SHC3: variants seen among roughly 807,000 people sequenced by gnomAD.
The protein encoded by SHC3 is SHC adaptor protein 3, also known as SHC-transforming protein 3.
SHC3 carries 15 observed loss-of-function variants against 60.4 expected under a neutral mutation model. That is an observed-to-expected ratio of 0.25 (90% CI 0.17 to 0.38). The LOEUF (loss-of-function observed/expected upper bound fraction) is 0.38, where lower values mean the gene tolerates loss of function less well. Among genes scored for constraint, SHC3 ranks in the 10% least tolerant of loss-of-function variants. The probability of loss-of-function intolerance (pLI) is 1.00; values close to 1 mark genes in which losing one functional copy is unlikely to be tolerated. For synonymous variants in SHC3, 294 were observed against 325.9 expected, an observed-to-expected ratio of 0.90 and a Z score of 1.05; for missense variants, 677 against 786.1, an observed-to-expected ratio of 0.86 and a Z score of 1.66.
intron 1 of SHC3, among the ~76,000 whole-genome samples, chr9:89,132,691 A>G (rs1050366863): frequency 1.3e-5 from 2 of 152,232 alleles, no homozygotes; most frequent in Admixed American, 6.5e-5. Flanking sequence ...TGGTGCTGGG[A>G]AAACTGGCTA....
At chr9:89,032,531 A>G (rs1375839879) in intron 11 of SHC3, among the ~76,000 whole-genome samples, 1 of 152,216 alleles carries the variant, frequency 6.6e-6, no homozygotes, top group Non-Finnish European at 1.5e-5. Flanking sequence ...TTGACTAAAC[A>G]ATTCTGAAGA....
chr9:89,015,685 C>T (rs953254505), intron 11 of SHC3, among the ~76,000 whole-genome samples: 3 of 152,242 alleles, frequency 2.0e-5, no homozygotes, highest in Non-Finnish European at 4.4e-5. Context: ...ACCCGTTATG[C>T]ACTAGAAATT....
intron 7 of SHC3, among the ~76,000 whole-genome samples, chr9:89,047,809 C>T (rs1213658259): frequency 6.6e-6 from 1 of 152,170 alleles, no homozygotes; most frequent in Admixed American, 6.5e-5. Context: ...TAAAATGGTG[C>T]AGCCACTTTA....
intron 4 of SHC3, among the ~76,000 whole-genome samples, chr9:89,073,073 G>T (rs1825300009): frequency 2.0e-5 from 3 of 152,102 alleles, no homozygotes; most frequent in Non-Finnish European, 1.5e-5. Context: ...TCTTCCCTCT[G>T]GCGCAAAGGT....
intron 11 of SHC3, among the ~76,000 whole-genome samples, chr9:89,031,679 G>C (rs1441631488): frequency 6.6e-6 from 1 of 152,120 alleles, no homozygotes; most frequent in Non-Finnish European, 1.5e-5. Flanking sequence ...TGGCTATTAT[G>C]AATAATGCTA....
intron 6 of SHC3, among the ~76,000 whole-genome samples, chr9:89,059,567 A>AT (rs1825032327): frequency 7.5e-6 from 1 of 132,956 alleles, no homozygotes; most frequent in African/African-American, 2.9e-5. Context: ...GTGGTGGAGG[A>AT]CGTGGTGGAG....
At chr9:89,039,309 G>C (rs939338529) in intron 10 of SHC3, among the ~76,000 whole-genome samples, 4 of 152,158 alleles carry the variant, frequency 2.6e-5, no homozygotes, top group African/African-American at 7.2e-5. Context: ...AAACTTGTTC[G>C]ATGTTAGTAC....
chr9:89,042,184 C>A lies in SHC3; in HGVS notation c.1202G>T (p.Gly401Val), dbSNP rs922840283. ...EDWQQTPLRQ[G>V]SSDIYSTPEG... is the part of the protein sequence containing the mutation. ...TGGCGTGCTGTAGATGTCCGAGGAC[C>A]CTGCAACAAGAAAGTGAGCCCCTTT... Residue 401 changes from glycine to valine, a missense_variant and splice_region_variant, in exon 10 of 12, where the codon GGG becomes GTG. Coordinates refer to ENST00000375835, the MANE Select transcript of SHC3 (RefSeq NM_016848.6). 4 of 1,496,822 alleles carry A rather than the reference C, an allele frequency of 2.7e-6. No individual in the cohort carries two copies. The highest frequency in any genetic ancestry group is 3.5e-6 in the Non-Finnish European group (4 of 1,128,244). The allele number at this position is 1,496,822 out of a possible 1,614,324, so 92.7% of individuals were successfully genotyped here. A position where few individuals can be genotyped will look rare whatever the true frequency, so the allele number is the denominator to read the frequency against.
At chr9:89,130,448 T>C (rs1826227815) in intron 1 of SHC3, among the ~76,000 whole-genome samples, 1 of 152,146 alleles carries the variant, frequency 6.6e-6, no homozygotes, top group South Asian at 2.1e-4. Flanking sequence ...CCACCCCAAA[T>C]CAACAGAATA....
intron 1 of SHC3, among the ~76,000 whole-genome samples, chr9:89,116,745 A>G (rs911085199): frequency 1.3e-5 from 2 of 152,188 alleles, no homozygotes; most frequent in African/African-American, 2.4e-5. Flanking sequence ...ACCTCCATCA[A>G]TGTCACAAGG....
At chr9:89,169,523 G>C (rs897386444) in intron 1 of SHC3, among the ~76,000 whole-genome samples, 4 of 152,118 alleles carry the variant, frequency 2.6e-5, no homozygotes, top group Non-Finnish European at 5.9e-5. Context: ...CAGTCACCAC[G>C]TGCCAACTTG....
At chr9:89,082,448 C>T (rs2118030272) in intron 2 of SHC3, among the ~76,000 whole-genome samples, 1 of 152,320 alleles carries the variant, frequency 6.6e-6, no homozygotes, top group East Asian at 1.9e-4. Context: ...CTGCTGCATG[C>T]TTCCCTGTGT....
chr9:89,107,369 A>G (rs1825878445), intron 2 of SHC3, among the ~76,000 whole-genome samples: 1 of 152,004 alleles, frequency 6.6e-6, no homozygotes, highest in African/African-American at 2.4e-5. Context: ...TAATCCCTGC[A>G]CCCCTATGTC....
intron 2 of SHC3, among the ~76,000 whole-genome samples, chr9:89,108,093 A>T (rs1825890382): frequency 6.6e-6 from 1 of 152,184 alleles, no homozygotes; most frequent in South Asian, 2.1e-4. Context: ...CATGCAGTGC[A>T]GGTTTGTAGC....
chr9:89,121,609 G>A (rs1270755636), intron 1 of SHC3, among the ~76,000 whole-genome samples: 1 of 152,094 alleles, frequency 6.6e-6, no homozygotes, highest in Non-Finnish European at 1.5e-5. Context: ...ATGTTTTTAA[G>A]TACACACACA....
At chr9:89,060,198 T>C (rs962861612) in intron 6 of SHC3, among the ~76,000 whole-genome samples, 1 of 143,888 alleles carries the variant, frequency 6.9e-6, no homozygotes, top group Non-Finnish European at 1.5e-5. Context: ...TAGGACGTGG[T>C]GGAGGGTGGT....
chr9:89,144,588 T>G (rs960827445), intron 1 of SHC3, among the ~76,000 whole-genome samples: 15 of 152,222 alleles, frequency 9.9e-5, no homozygotes, highest in African/African-American at 3.6e-4. Flanking sequence ...CTCAACCATT[T>G]GCTGACCAGG....
chr9:89,165,575 G>A (rs1227315718), intron 1 of SHC3, among the ~76,000 whole-genome samples: 2 of 149,630 alleles, frequency 1.3e-5, no homozygotes, highest in Admixed American at 1.3e-4. Flanking sequence ...TAAAAGGAAG[G>A]GAAAAGAAGA....
intron 2 of SHC3, chr9:89,109,972 T>A: frequency 2.0e-6 from 2 of 985,466 alleles, no homozygotes; most frequent in African/African-American, 3.5e-5. Flanking sequence ...TGCCTCATTG[T>A]TTTATTAAGG....
Sources: gnomAD v4.1 joint callset for allele counts (sites outside exome capture counted in the v4.1 genomes callset) on GRCh38, gnomAD v4.1.1 for gene constraint, MANE v1.5 for transcripts, NCBI Gene and HGNC (gene_info 2026-07-23, HGNC 2026-07-21) for gene names.